ODR4: variants seen among roughly 807,000 people sequenced by gnomAD.
ODR4 encodes the protein odr-4 GPCR localization factor homolog, also known as protein odr-4 homolog.
A neutral mutation model predicts 60.2 loss-of-function variants in ODR4; 47 were observed. That is an observed-to-expected ratio of 0.78 (90% CI 0.62 to 1.00). ODR4 has a LOEUF of 1.00. Ranked by LOEUF, ODR4 falls within the 50% of genes least tolerant of loss-of-function variation. ODR4 has a pLI of 0.00. For synonymous variants in ODR4, 178 were observed against 175.5 expected (o/e 1.01, Z -0.11); for missense variants, 488 against 530.8 (o/e 0.92, Z 0.79).
In ODR4 at chr1:186,419,033, C is replaced by T; in HGVS notation, c.1322C>T (p.Ala441Val). The T allele has an allele frequency of 6.2e-7, 1 of 1,610,096 alleles. No individual in the cohort carries two copies. Among genetic ancestry groups the T allele is most frequent in the East Asian group, 2.2e-5 (1 of 44,842 alleles). Residue 441 changes from alanine to valine, a missense_variant, in exon 14 of 14, where the codon GCA (alanine) becomes GTA (valine). Coordinates refer to ENST00000287859, the MANE Select transcript of ODR4 (RefSeq NM_017847.6). ...NIGVIAAFTV[A>V]VLAAGISFHY... ...GGTGTGATTGCAGCATTTACAGTTG[C>T]AGTCCTTGCTGCGGGTATCTCCTTT...
At chr1:186,418,613 G>A (rs1039997436) in intron 13 of ODR4, among the ~76,000 whole-genome samples, 1 of 152,192 alleles carries the variant, frequency 6.6e-6, no homozygotes, top group African/African-American at 2.4e-5. Context: ...AGTTACACAG[G>A]TGGCTTTATA....
At chr1:186,396,494 A>C (rs1660681935) in intron 9 of ODR4, among the ~76,000 whole-genome samples, 1 of 152,132 alleles carries the variant, frequency 6.6e-6, no homozygotes, top group Admixed American at 6.6e-5. Context: ...CTGTAGTCCC[A>C]GCTACTTGGG....
At chr1:186,413,555 A>C (rs570644304) in intron 12 of ODR4, among the ~76,000 whole-genome samples, 6 of 152,174 alleles carry the variant, frequency 3.9e-5, no homozygotes, top group Non-Finnish European at 7.4e-5. Flanking sequence ...TTAACTTGAT[A>C]ATTTCAATGT....
chr1:186,397,638 G>A (rs1040384604), intron 9 of ODR4, among the ~76,000 whole-genome samples: 2 of 152,174 alleles, frequency 1.3e-5, no homozygotes, highest in Admixed American at 6.5e-5. Context: ...TGCTCAATAA[G>A]TTTTGGATTT....
intron 11 of ODR4, chr1:186,399,295 T>C (rs1660824892): frequency 6.3e-6 from 3 of 476,562 alleles, no homozygotes; most frequent in Non-Finnish European, 1.2e-5. Flanking sequence ...AGCCTCAGCC[T>C]CTTGGGCTCA....
At chr1:186,431,894 G>A in the ODR4 span, among the ~76,000 whole-genome samples, 1 of 152,160 alleles carries the variant, frequency 6.6e-6, no homozygotes, top group African/African-American at 2.4e-5. Flanking sequence ...GGCAAGCTGG[G>A]AGTGGGCAGG....
chr1:186,393,849 T>C (rs1660562736), intron 8 of ODR4, 98 bp from the exon 9 acceptor site: 1 of 664,372 alleles, frequency 1.5e-6, no homozygotes. Context: ...AGACTTGTTT[T>C]TTTCTAAGTT....
intron 1 of ODR4, among the ~76,000 whole-genome samples, chr1:186,376,420 G>A (rs1340680395): frequency 1.3e-5 from 2 of 152,120 alleles, no homozygotes; most frequent in African/African-American, 4.8e-5. Context: ...ATTGTTTCGT[G>A]TTTACTCTTA....
At chr1:186,422,235 A>G (rs1435413631), downstream of ODR4, among the ~76,000 whole-genome samples, 2 of 152,152 alleles carry the variant, frequency 1.3e-5, no homozygotes, top group Non-Finnish European at 2.9e-5. Context: ...TTATGATATT[A>G]AAGATTGAGA....
downstream of ODR4, among the ~76,000 whole-genome samples, chr1:186,426,164 G>T (rs2102111865): frequency 6.6e-6 from 1 of 152,258 alleles, no homozygotes. Flanking sequence ...TAATTCCAAA[G>T]TTGAGGCTAC....
At chr1:186,418,452 G>A (rs373043373) in intron 13 of ODR4, among the ~76,000 whole-genome samples, 48 of 151,930 alleles carry the variant, frequency 3.2e-4, no homozygotes, top group African/African-American at 1.2e-3. Context: ...CACCGCGCCC[G>A]GCTAATTTTT....
intron 1 of ODR4, among the ~76,000 whole-genome samples, chr1:186,378,852 A>C (rs1659901347): frequency 3.3e-5 from 5 of 152,230 alleles, no homozygotes; most frequent in Admixed American, 2.0e-4. Context: ...GCGTTGTACA[A>C]AGTAGAAGCT....
At chr1:186,416,573 G>A (rs1661573304) in intron 12 of ODR4, among the ~76,000 whole-genome samples, 1 of 152,186 alleles carries the variant, frequency 6.6e-6, no homozygotes, top group East Asian at 1.9e-4. Context: ...TCGGGAGGCT[G>A]AGGCAGGAGA....
intron 12 of ODR4, among the ~76,000 whole-genome samples, chr1:186,410,805 C>T (rs1017830233): frequency 2.0e-5 from 3 of 151,964 alleles, no homozygotes; most frequent in Admixed American, 6.5e-5. Flanking sequence ...CACCTGAGGT[C>T]GGGAGTTCAA....
intron 9 of ODR4, 112 bp downstream of exon 9, chr1:186,394,127 C>G: frequency 1.5e-6 from 1 of 658,940 alleles, no homozygotes. Context: ...CTGTAAGAGA[C>G]TGTATGAAAT....
In ODR4 at chr1:186,420,717, A is replaced by G. The variant is rs1281161595; in HGVS notation, c.*1641A>G. ...GATCTAAAGAAATTACCCAGTGAGCAGTGAGGAGAAACAAGGAGCTAGAAA... is the reference window on the plus strand; with the variant it reads ...GATCTAAAGAAATTACCCAGTGAGCGGTGAGGAGAAACAAGGAGCTAGAAA... On this transcript the variant is annotated 3_prime_UTR_variant, in exon 14 of 14. Coordinates refer to ENST00000287859, the MANE Select transcript of ODR4 (RefSeq NM_017847.6). The G allele has an allele frequency of 4.6e-5, 7 of 152,346 alleles. No individual in the cohort carries two copies. The highest frequency in any genetic ancestry group is 1.7e-4 in the African/African-American group (7 of 41,582). The allele number at this position is 152,346 out of a possible 1,614,324, so 9.4% of individuals were successfully genotyped here. A position where few individuals can be genotyped will look rare whatever the true frequency, so the allele number is the denominator to read the frequency against.
intron 2 of ODR4, 112 bp downstream of exon 2, chr1:186,379,996 T>A (rs747648305): frequency 3.3e-4 from 193 of 587,930 alleles, no homozygotes; most frequent in Non-Finnish European, 4.7e-4. Flanking sequence ...AACTCAAGAT[T>A]GGGGGATGGA....
intron 4 of ODR4, among the ~76,000 whole-genome samples, chr1:186,387,779 T>C (rs1216876200): frequency 6.6e-6 from 1 of 152,238 alleles, no homozygotes. Flanking sequence ...CTGCACATTA[T>C]TGTTAGAAAG....
chr1:186,387,669 G>A (rs191904533), intron 4 of ODR4, among the ~76,000 whole-genome samples: 25 of 152,108 alleles, frequency 1.6e-4, no homozygotes, highest in African/African-American at 5.8e-4. Flanking sequence ...TTGTGTTTCC[G>A]GAAGAATTTC....
Sources: gnomAD v4.1 joint callset for allele counts (sites outside exome capture counted in the v4.1 genomes callset) on GRCh38, gnomAD v4.1.1 for gene constraint, MANE v1.5 for transcripts, NCBI Gene and HGNC (gene_info 2026-07-23, HGNC 2026-07-21) for gene names.